CCSER1: variants seen among roughly 807,000 people sequenced by gnomAD.
The protein encoded by CCSER1 is serine-rich coiled-coil domain-containing protein 1.
Under a neutral mutation model 82.0 loss-of-function variants are expected in CCSER1, and 41 were observed. The observed-to-expected ratio is 0.50, with a 90% CI of 0.39 to 0.65. The LOEUF is 0.65. CCSER1 is among the 30% of genes least tolerant of loss of function. CCSER1 has a pLI of 0.00. For missense variants in CCSER1, 1,119 were observed against 1,064.2 expected (o/e 1.05, Z -0.72); for synonymous variants, 414 against 383.9 (o/e 1.08, Z -0.92).
intron 7 of CCSER1, among the ~76,000 whole-genome samples, chr4:90,759,619 G>A (rs1424728857): frequency 6.6e-6 from 1 of 152,220 alleles, no homozygotes; most frequent in East Asian, 1.9e-4. Flanking sequence ...CTTGGAGTTG[G>A]GAAAAGATGA....
intron 4 of CCSER1, among the ~76,000 whole-genome samples, chr4:90,458,013 G>T (rs188293198): frequency 1.2e-4 from 18 of 152,254 alleles, no homozygotes; most frequent in African/African-American, 4.3e-4. Flanking sequence ...TACCCAGCAG[G>T]GTCATGGCCG....
chr4:91,147,555 C>T (rs1232525458), intron 10 of CCSER1, among the ~76,000 whole-genome samples: 2 of 152,220 alleles, frequency 1.3e-5, no homozygotes, highest in Non-Finnish European at 2.9e-5. Context: ...GGCTCCTCCT[C>T]CAATAGAGAT....
At chr4:90,889,612 G>A (rs1346714446) in intron 8 of CCSER1, among the ~76,000 whole-genome samples, 4 of 152,040 alleles carry the variant, frequency 2.6e-5, no homozygotes, top group South Asian at 2.1e-4. Flanking sequence ...TAACCAAGAT[G>A]CAGAAACAGC....
intron 10 of CCSER1, among the ~76,000 whole-genome samples, chr4:91,116,019 C>A (rs1246210717): frequency 1.3e-5 from 2 of 151,786 alleles, no homozygotes; most frequent in African/African-American, 4.8e-5. Context: ...CCCCACCCCA[C>A]AACAGGCCCT....
chr4:90,719,906 C>A (rs532320759), intron 6 of CCSER1, among the ~76,000 whole-genome samples: 1 of 152,198 alleles, frequency 6.6e-6, no homozygotes, highest in Admixed American at 6.5e-5. Flanking sequence ...TTGAAGAGAA[C>A]TAGCTAAATG....
chr4:91,022,478 A>C (rs1019389047), intron 9 of CCSER1, among the ~76,000 whole-genome samples: 28 of 152,250 alleles, frequency 1.8e-4, no homozygotes, highest in African/African-American at 6.5e-4. Flanking sequence ...ATACATGTGC[A>C]TGTGTCTTTA....
At chr4:90,752,715 T>G (rs923692922) in intron 7 of CCSER1, among the ~76,000 whole-genome samples, 8 of 152,076 alleles carry the variant, frequency 5.3e-5, no homozygotes, top group African/African-American at 1.7e-4. Flanking sequence ...GGTGATTTCA[T>G]GCCATCTATT....
chr4:90,690,298 A>T (rs1445871394), intron 6 of CCSER1, among the ~76,000 whole-genome samples: 1 of 152,106 alleles, frequency 6.6e-6, no homozygotes, highest in Non-Finnish European at 1.5e-5. Context: ...GAGTAGAAAA[A>T]TGAAGAGACA....
chr4:90,905,345 C>A (rs908959745), intron 8 of CCSER1, among the ~76,000 whole-genome samples: 10 of 128,136 alleles, frequency 7.8e-5, no homozygotes, highest in Non-Finnish European at 1.5e-4. Flanking sequence ...TTGCTCACTA[C>A]GTTCTAGTCA....
chr4:90,921,632 C>A (rs532146612), intron 8 of CCSER1, among the ~76,000 whole-genome samples: 1 of 152,052 alleles, frequency 6.6e-6, no homozygotes, highest in Admixed American at 6.6e-5. Flanking sequence ...CCAGAAGTTA[C>A]CAACAATTTC....
intron 3 of CCSER1, among the ~76,000 whole-genome samples, chr4:90,376,737 A>C (rs1748378317): frequency 6.6e-6 from 1 of 152,154 alleles, no homozygotes; most frequent in Non-Finnish European, 1.5e-5. Flanking sequence ...CAGGTGATGC[A>C]GTCATGGGAA....
chr4:90,298,352 T>G (rs1404623882), intron 1 of CCSER1, among the ~76,000 whole-genome samples: 1 of 152,146 alleles, frequency 6.6e-6, no homozygotes, highest in Non-Finnish European at 1.5e-5. Flanking sequence ...CCCTTTATCA[T>G]TTTTTCTTGC....
intron 10 of CCSER1, among the ~76,000 whole-genome samples, chr4:91,274,229 G>A (rs1322815408): frequency 6.6e-6 from 1 of 151,950 alleles, no homozygotes; most frequent in Non-Finnish European, 1.5e-5. Context: ...TATGTATGGG[G>A]TACATGTGAT....
intron 5 of CCSER1, among the ~76,000 whole-genome samples, chr4:90,494,965 G>A (rs943193011): frequency 1.1e-4 from 17 of 151,992 alleles, no homozygotes; most frequent in African/African-American, 3.4e-4. Context: ...CCTTGCCTGG[G>A]CACCTGATTT....
intron 1 of CCSER1, among the ~76,000 whole-genome samples, chr4:90,186,345 G>C (rs1378088695): frequency 6.6e-6 from 1 of 151,976 alleles, no homozygotes; most frequent in East Asian, 1.9e-4. Context: ...CAGGAAATCA[G>C]TGGCACAGCT....
chr4:90,841,111 A>T (rs1250360526), intron 8 of CCSER1, among the ~76,000 whole-genome samples: 1 of 148,242 alleles, frequency 6.7e-6, no homozygotes, highest in Non-Finnish European at 1.5e-5. Flanking sequence ...GCACTTTGGC[A>T]GATAAGATCA....
chr4:91,202,359 T>A (rs1181968755), intron 10 of CCSER1, among the ~76,000 whole-genome samples: 1 of 151,990 alleles, frequency 6.6e-6, no homozygotes, highest in African/African-American at 2.4e-5. Context: ...CACCTCCCTC[T>A]TTTAGTCCAC....
intron 10 of CCSER1, among the ~76,000 whole-genome samples, chr4:91,270,539 G>A (rs1056769219): frequency 6.6e-6 from 1 of 151,896 alleles, no homozygotes. Flanking sequence ...GCTTATTACA[G>A]GTCTAATTTA....
chr4:91,107,532 G>A (rs1032875059), intron 10 of CCSER1, among the ~76,000 whole-genome samples: 1 of 152,130 alleles, frequency 6.6e-6, no homozygotes, highest in Admixed American at 6.5e-5. Context: ...TGGGATTACA[G>A]GCATCAATGC....
Sources: allele counts gnomAD v4.1 joint callset (sites outside exome capture counted in the v4.1 genomes callset), GRCh38; gene constraint gnomAD v4.1.1; transcripts MANE v1.5; gene names NCBI Gene and HGNC (gene_info 2026-07-23, HGNC 2026-07-21).